Variants in RFX7 observed in about 807,000 individuals in gnomAD.
RFX7 encodes the protein regulatory factor X7.
In RFX7, 26 loss-of-function variants were observed where a neutral mutation model predicts 111.8. The ratio of observed to expected loss-of-function variants is 0.23; its 90% CI spans 0.17 to 0.32. The LOEUF is 0.32. RFX7 is among the 10% of genes least tolerant of loss of function. The pLI, the probability that RFX7 is intolerant of heterozygous loss-of-function variation, is 1.00. For missense variants in RFX7, 1,573 were observed against 1,772.9 expected (o/e 0.89, Z 2.02); for synonymous variants, 624 against 624.4 (o/e 1.00, Z 0.01).
Position 56,100,190 on chromosome 15 carries a change from A to G in RFX7, c.811+1169T>C, listed in dbSNP as rs74379185. 8.6e-4 allele frequency among the ~76,000 whole-genome samples: 131 copies of G among 152,340 alleles called. 2 individuals are homozygous for G. In the South Asian group the frequency reaches 0.017, roughly 20 times the overall value. ...ATGGACAAGTTAATTGACCTCCCCA[A>G]GTCTATAAATTGGGAATAAATATCA... On this transcript the variant is annotated intron_variant, in intron 8 of 9. Coordinates refer to ENST00000559447, the MANE Select transcript of RFX7 (RefSeq NM_022841.7).
At chr15:56,194,691 G>C (rs1286410507) in intron 2 of RFX7, among the ~76,000 whole-genome samples, 1 of 151,686 alleles carries the variant, frequency 6.6e-6, no homozygotes, top group Non-Finnish European at 1.5e-5. Flanking sequence ...CAGAAAAAAA[G>C]GAAATAAAAA....
At chr15:56,242,375 G>T (rs548798824) in intron 2 of RFX7, among the ~76,000 whole-genome samples, 50 of 152,232 alleles carry the variant, frequency 3.3e-4, no homozygotes, top group African/African-American at 1.1e-3. Flanking sequence ...GACTTTAGGA[G>T]TTTAATGCTG....
At chr15:56,148,661 T>C (rs1237415327) in intron 3 of RFX7, among the ~76,000 whole-genome samples, 1 of 152,178 alleles carries the variant, frequency 6.6e-6, no homozygotes, top group Non-Finnish European at 1.5e-5. Flanking sequence ...GAAGAAAACA[T>C]GGGACAGAGA....
In RFX7 at chr15:56,096,052, G is replaced by C. The variant is rs747869549; in HGVS notation, c.1676C>G (p.Ala559Gly). The C allele has an allele frequency of 5.4e-5, 87 of 1,613,190 alleles. No individual in the cohort carries two copies. The highest frequency in any genetic ancestry group is 7.1e-5 in the Non-Finnish European group (84 of 1,179,590). The change falls in exon 10 of 10, where the codon GCT (alanine) becomes GGT (glycine). Residue 559 changes from alanine to glycine, a missense_variant. Transcript: ENST00000559447. Reference protein sequence around the residue: ...PVQCQENSDEAKAPQTPSALL... With the variant: ...PVQCQENSDEGKAPQTPSALL... ...GGCACTAGGTGTCTGGGGAGCTTTAGCCTCATCAGAGTTCTCTTGGCACTG... is the reference window on the plus strand; with the variant it reads ...GGCACTAGGTGTCTGGGGAGCTTTACCCTCATCAGAGTTCTCTTGGCACTG...
intron 2 of RFX7, among the ~76,000 whole-genome samples, chr15:56,214,498 G>A (rs1046900960): frequency 2.6e-5 from 4 of 151,868 alleles, no homozygotes; most frequent in Admixed American, 6.6e-5. Flanking sequence ...GGCGGATCAC[G>A]AGGTCAGGAG....
intron 3 of RFX7, among the ~76,000 whole-genome samples, chr15:56,159,687 A>G (rs928914429): frequency 6.6e-6 from 1 of 152,154 alleles, no homozygotes; most frequent in Non-Finnish European, 1.5e-5. Context: ...ACCTGAAACA[A>G]TATTCTATAT....
At chr15:56,137,614 T>C (rs2042323726) in intron 5 of RFX7, among the ~76,000 whole-genome samples, 1 of 152,160 alleles carries the variant, frequency 6.6e-6, no homozygotes, top group Non-Finnish European at 1.5e-5. Flanking sequence ...CTCTATTTCC[T>C]TCAGTTCTGC....
intron 2 of RFX7, among the ~76,000 whole-genome samples, chr15:56,222,781 T>C (rs897930433): frequency 1.3e-5 from 2 of 152,184 alleles, no homozygotes; most frequent in Non-Finnish European, 2.9e-5. Context: ...GGCTGCTAAT[T>C]CCATGTCTCT....
upstream of RFX7, chr15:56,244,052 G>C (rs1437642547): frequency 6.6e-6 from 1 of 151,318 alleles, no homozygotes; most frequent in African/African-American, 2.4e-5. Flanking sequence ...AGTCCGGCCC[G>C]GCTGGTGGAG....
intron 1 of RFX7, 32 bp downstream of exon 1, chr15:56,243,413 G>C: frequency 9.0e-7 from 1 of 1,109,182 alleles, no homozygotes. Context: ...GGAGGAGGAG[G>C]AGGAAGGAAG....
intron 5 of RFX7, among the ~76,000 whole-genome samples, chr15:56,127,609 G>A (rs1194086483): frequency 1.3e-4 from 20 of 149,292 alleles, no homozygotes; most frequent in Non-Finnish European, 2.2e-4. Context: ...GTGCAGTGGC[G>A]CGATCTCGAC....
chr15:56,202,080 A>G (rs1368768624), intron 2 of RFX7, among the ~76,000 whole-genome samples: 3 of 152,114 alleles, frequency 2.0e-5, no homozygotes, highest in African/African-American at 7.2e-5. Flanking sequence ...GCCACACAGA[A>G]AAACTGCCAA....
At chr15:56,219,674 G>A (rs1341918069) in intron 2 of RFX7, among the ~76,000 whole-genome samples, 2 of 152,112 alleles carry the variant, frequency 1.3e-5, no homozygotes, top group Non-Finnish European at 2.9e-5. Flanking sequence ...CTACATCCAC[G>A]TCGCTGCAAA....
rs192274837 is a variant in RFX7, at chr15:56,225,177, A to G, written c.161+17948T>C. Among the ~76,000 whole-genome samples, 404 of 152,256 alleles carry G rather than the reference A, an allele frequency of 2.7e-3. 2 individuals are homozygous for G. The highest frequency in any genetic ancestry group is 3.5e-3 in the Non-Finnish European group (236 of 67,988). ...GCCAAAATATGCAGGTCTAAAATATAATTGTTTTGTTTTTTAATCTGCCAC... is the reference window on the plus strand; with the variant it reads ...GCCAAAATATGCAGGTCTAAAATATGATTGTTTTGTTTTTTAATCTGCCAC... On this transcript the variant is annotated intron_variant, in intron 2 of 9. Transcript: ENST00000559447.
chr15:56,225,998 A>G (rs1248604847), intron 2 of RFX7, among the ~76,000 whole-genome samples: 2 of 152,068 alleles, frequency 1.3e-5, no homozygotes, highest in Non-Finnish European at 2.9e-5. Flanking sequence ...GAGAAAAAAT[A>G]TAAAAAGAGG....
chr15:56,218,949 G>A lies in RFX7; in HGVS notation c.161+24176C>T, dbSNP rs144138084. ...ATATTACAACAGTGAATAAACAAAT[G>A]GAAATGAGTGAAGGAATCAAATTAG... On this transcript the variant is annotated intron_variant, in intron 2 of 9. Coordinates refer to ENST00000559447, the MANE Select transcript of RFX7 (RefSeq NM_022841.7). 1.1e-3 allele frequency among the ~76,000 whole-genome samples: 164 copies of A among 152,210 alleles called. 1 individual carries two copies. The highest frequency in any genetic ancestry group is 3.8e-3 in the African/African-American group (157 of 41,540).
chr15:56,154,082 G>T (rs549397819), intron 3 of RFX7, among the ~76,000 whole-genome samples: 4 of 152,176 alleles, frequency 2.6e-5, no homozygotes, highest in Admixed American at 2.0e-4. Context: ...TACAAGGGAC[G>T]TGAAGGATTT....
At chr15:56,160,942 GT>G (rs2042713095) in intron 3 of RFX7, among the ~76,000 whole-genome samples, 1 of 151,946 alleles carries the variant, frequency 6.6e-6, no homozygotes, top group African/African-American at 2.4e-5. Context: ...AGAGGAAATT[GT>G]TTTTCTATTC....
intron 5 of RFX7, among the ~76,000 whole-genome samples, chr15:56,138,777 C>T (rs1438995419): frequency 2.6e-5 from 4 of 151,790 alleles, no homozygotes; most frequent in East Asian, 1.9e-4. Flanking sequence ...CCATGTTTAG[C>T]CCTTCCTTCA....
Sources: gnomAD v4.1 joint callset for allele counts (sites outside exome capture counted in the v4.1 genomes callset) on GRCh38, gnomAD v4.1.1 for gene constraint, MANE v1.5 for transcripts, NCBI Gene and HGNC (gene_info 2026-07-23, HGNC 2026-07-21) for gene names.